The following POFUT3 variants were observed in gnomAD, a reference collection of about 807,000 sequenced individuals.
POFUT3 encodes the protein GDP-fucose protein O-fucosyltransferase 3.
the POFUT3 span, among the ~76,000 whole-genome samples, chr8:33,363,118 C>T: frequency 7.2e-5 from 11 of 152,200 alleles, no homozygotes; most frequent in South Asian, 4.1e-4. Context: ...AAGAAACTCA[C>T]TCAAAACCGC....
chr8:33,384,063 T>A, the POFUT3 span, among the ~76,000 whole-genome samples: 3 of 152,158 alleles, frequency 2.0e-5, no homozygotes, highest in African/African-American at 7.2e-5. Context: ...AGGATCAACA[T>A]GGCTCCAATC....
the POFUT3 span, among the ~76,000 whole-genome samples, chr8:33,418,252 C>T: frequency 3.9e-5 from 6 of 152,144 alleles, no homozygotes; most frequent in South Asian, 2.1e-4. Flanking sequence ...CAACCACCAC[C>T]GCTGAACCAT....
At chr8:33,436,706 C>T in the POFUT3 span, 2 of 759,392 alleles carry the variant, frequency 2.6e-6, no homozygotes, top group Non-Finnish European at 4.5e-6. Flanking sequence ...ACCATCCTGA[C>T]CACAGCTAGC....
the POFUT3 span, among the ~76,000 whole-genome samples, chr8:33,447,758 T>C: frequency 3.3e-5 from 5 of 152,214 alleles, no homozygotes; most frequent in Non-Finnish European, 7.3e-5. Flanking sequence ...CACATAATCC[T>C]GTGAGTTTCC....
At chr8:33,377,475 T>C in the POFUT3 span, 4 of 152,220 alleles carry the variant, frequency 2.6e-5, no homozygotes, top group Non-Finnish European at 4.4e-5. Flanking sequence ...TTCCCAACCC[T>C]GACCTTGCAT....
chr8:33,365,303 A>G, the POFUT3 span, among the ~76,000 whole-genome samples: 1 of 152,294 alleles, frequency 6.6e-6, no homozygotes, highest in East Asian at 1.9e-4. Flanking sequence ...AACCATAAAA[A>G]CCCTAGAAAA....
At chr8:33,448,808 C>T in the POFUT3 span, among the ~76,000 whole-genome samples, 3 of 152,006 alleles carry the variant, frequency 2.0e-5, no homozygotes, top group Non-Finnish European at 4.4e-5. Context: ...GTGGTGCACT[C>T]CTATAATCCC....
At chr8:33,344,992 T>C in the POFUT3 span, among the ~76,000 whole-genome samples, 1 of 152,196 alleles carries the variant, frequency 6.6e-6, no homozygotes, top group East Asian at 1.9e-4. Flanking sequence ...ATAAGAGAAA[T>C]CAAAATAAAG....
the POFUT3 span, chr8:33,461,348 C>A: frequency 6.3e-7 from 1 of 1,594,464 alleles, no homozygotes; most frequent in Non-Finnish European, 8.6e-7. Context: ...GCTATCAACA[C>A]TACACAACCC....
At chr8:33,372,123 C>G in the POFUT3 span, 1 of 986,290 alleles carries the variant, frequency 1.0e-6, no homozygotes, top group Non-Finnish European at 1.2e-6. Flanking sequence ...CCCTGGAAAC[C>G]AACAGATGGG....
the POFUT3 span, among the ~76,000 whole-genome samples, chr8:33,380,100 C>CTA: frequency 1.3e-3 from 76 of 59,952 alleles, 13 homozygotes; most frequent in African/African-American, 7.9e-3. Context: ...TATATATACA[C>CTA]TATATATATA....
chr8:33,360,786 T>C, the POFUT3 span: 1 of 152,168 alleles, frequency 6.6e-6, no homozygotes, highest in Non-Finnish European at 1.5e-5. Context: ...CAAAAATGTG[T>C]CTTCAATGGC....
the POFUT3 span, among the ~76,000 whole-genome samples, chr8:33,379,279 C>G: frequency 6.6e-6 from 1 of 151,844 alleles, no homozygotes; most frequent in Non-Finnish European, 1.5e-5. Flanking sequence ...ATACACATCC[C>G]TCCTCCCCAA....
chr8:33,409,631 C>A, the POFUT3 span, among the ~76,000 whole-genome samples: 147 of 152,262 alleles, frequency 9.7e-4, no homozygotes, highest in African/African-American at 3.3e-3. Context: ...TCTGGCCGGG[C>A]GCAGTGACTC....
the POFUT3 span, among the ~76,000 whole-genome samples, chr8:33,408,286 C>T: frequency 5.3e-5 from 8 of 150,872 alleles, no homozygotes; most frequent in Middle Eastern, 3.4e-3. Context: ...ATCACACCAA[C>T]GCACTCCAGA....
chr8:33,445,975 A>G, the POFUT3 span, among the ~76,000 whole-genome samples: 105,402 of 152,126 alleles, frequency 0.69, 37,531 homozygotes, highest in African/African-American at 0.86. Context: ...TTCAGAGGAC[A>G]TAAAGCCACC....
chr8:33,339,353 T>C, the POFUT3 span, among the ~76,000 whole-genome samples: 1 of 152,106 alleles, frequency 6.6e-6, no homozygotes, highest in African/African-American at 2.4e-5. Context: ...ATCAGTTATC[T>C]GGAAGGTAAA....
At chr8:33,462,418 G>T in the POFUT3 span, among the ~76,000 whole-genome samples, 1 of 152,050 alleles carries the variant, frequency 6.6e-6, no homozygotes, top group African/African-American at 2.4e-5. Flanking sequence ...AAAGATTCAG[G>T]CTTCAATCAA....
the POFUT3 span, among the ~76,000 whole-genome samples, chr8:33,319,611 T>A: frequency 7.5e-4 from 31 of 41,344 alleles, no homozygotes; most frequent in African/African-American, 2.2e-3. Flanking sequence ...TATTTATATA[T>A]TATATAAATA....
Sources: gnomAD v4.1 joint callset for allele counts (sites outside exome capture counted in the v4.1 genomes callset) on GRCh38, gnomAD v4.1.1 for gene constraint, MANE v1.5 for transcripts, NCBI Gene and HGNC (gene_info 2026-07-23, HGNC 2026-07-21) for gene names.